Variants in TRABD2B observed in about 807,000 individuals in gnomAD.
The protein encoded by TRABD2B is TraB domain containing 2B.
Under a neutral mutation model 40.1 loss-of-function variants are expected in TRABD2B, and 14 were observed. The ratio of observed to expected loss-of-function variants is 0.35; its 90% CI spans 0.23 to 0.55. The LOEUF (loss-of-function observed/expected upper bound fraction) is 0.55, where lower values mean the gene tolerates loss of function less well. Among genes scored for constraint, TRABD2B ranks in the 20% least tolerant of loss-of-function variants. The pLI is 0.90. For synonymous variants in TRABD2B, 263 were observed against 277.0 expected, an observed-to-expected ratio of 0.95 and a Z score of 0.50; for missense variants, 541 against 648.6, an observed-to-expected ratio of 0.83 and a Z score of 1.80.
Position 47,794,442 on chromosome 1 carries a change from C to T in TRABD2B, c.988+144G>A, listed in dbSNP as rs557295424. ...CCGAATCAGGAGAACTGCCTTGGAT[C>T]TCGGTGCTGCTGCTAAGCACTGTGT... On this transcript the variant is annotated intron_variant, in intron 4 of 6. Coordinates refer to ENST00000606738, the MANE Select transcript of TRABD2B (RefSeq NM_001194986.2). The T allele has an allele frequency of 2.9e-5, 25 of 874,992 alleles. No individual in the cohort carries two copies. In the African/African-American group the frequency reaches 3.0e-4, roughly 10 times the overall value. The allele number at this position is 874,992 out of a possible 1,614,324, so 54.2% of individuals were successfully genotyped here.
chr1:47,799,226 A>G (rs114477008), intron 3 of TRABD2B, among the ~76,000 whole-genome samples: 2,311 of 152,254 alleles, frequency 0.015, 87 homozygotes, highest in Admixed American at 0.089. Context: ...CCTCCTGGCC[A>G]CATCATGGCC....
intron 2 of TRABD2B, among the ~76,000 whole-genome samples, chr1:47,967,542 C>T (rs767474962): frequency 6.6e-6 from 1 of 152,200 alleles, no homozygotes; most frequent in East Asian, 1.9e-4. Flanking sequence ...CTCTCGTTTA[C>T]GTCTGGTTCT....
intron 2 of TRABD2B, 40 bp downstream of exon 2, chr1:47,993,994 C>A (rs1213610161): frequency 9.3e-6 from 14 of 1,505,366 alleles, no homozygotes; most frequent in Non-Finnish European, 1.1e-5. Context: ...ACCCAGGTAC[C>A]CAGGGCTGTC....
At chr1:47,898,135 G>A (rs954129775) in intron 2 of TRABD2B, among the ~76,000 whole-genome samples, 2 of 152,166 alleles carry the variant, frequency 1.3e-5, no homozygotes, top group Non-Finnish European at 2.9e-5. Context: ...GGCATAAAAG[G>A]CATAAAAGCA....
intron 2 of TRABD2B, among the ~76,000 whole-genome samples, chr1:47,888,043 C>G (rs773614708): frequency 7.9e-5 from 12 of 152,334 alleles, no homozygotes; most frequent in East Asian, 5.8e-4. Context: ...TCTTTCCCCC[C>G]ATAATACATC....
At chr1:47,841,343 T>C (rs1263944448) in intron 2 of TRABD2B, among the ~76,000 whole-genome samples, 1 of 152,168 alleles carries the variant, frequency 6.6e-6, no homozygotes. Flanking sequence ...ATACCAGATG[T>C]TGCAGCAACA....
rs577448873 is a variant in TRABD2B, at chr1:47,777,016, C to T, written c.1079+1438G>A. 4.1e-3 allele frequency among the ~76,000 whole-genome samples: 619 copies of T among 152,296 alleles called. 8 individuals are homozygous for T. Among genetic ancestry groups the T allele is most frequent in the African/African-American group, 0.014 (599 of 41,564 alleles). On this transcript the variant is annotated intron_variant, in intron 5 of 6. Transcript: ENST00000606738. ...CCTCCGCCCTGCCAACTCCCTTGCT[C>T]CCCCGTGCAGGAGGCTAAGGCTGAG...
intron 2 of TRABD2B, among the ~76,000 whole-genome samples, chr1:47,928,502 A>C (rs1173801793): frequency 2.0e-5 from 3 of 152,212 alleles, no homozygotes; most frequent in Admixed American, 6.5e-5. Flanking sequence ...TCCACACCCC[A>C]TGATTATTGG....
chr1:47,767,295 C>T (rs1021086188), intron 6 of TRABD2B, among the ~76,000 whole-genome samples: 5 of 152,190 alleles, frequency 3.3e-5, no homozygotes, highest in African/African-American at 1.2e-4. Context: ...AGCCCCGTCA[C>T]CCAGAGGGGA....
intron 2 of TRABD2B, among the ~76,000 whole-genome samples, chr1:47,956,675 C>G (rs949761318): frequency 6.6e-6 from 1 of 152,250 alleles, no homozygotes; most frequent in African/African-American, 2.4e-5. Flanking sequence ...CCCGCCATTG[C>G]TGAGGCTTGA....
At chr1:47,965,236 T>TGGGGGGGGGGGGGGGGGGGGGGGGGGGGG (rs1645585082) in intron 2 of TRABD2B, among the ~76,000 whole-genome samples, 1 of 3,264 alleles carries the variant, frequency 3.1e-4, no homozygotes, top group African/African-American at 1.3e-3. Flanking sequence ...GGGGGGTGGA[T>TGGGGGGGGGGGGGGGGGGGGGGGGGGGGG]GGGGAGGTGG....
In TRABD2B at chr1:47,993,644, A is replaced by T. The variant is rs571623039; in HGVS notation, c.666+390T>A. On this transcript the variant is annotated intron_variant, in intron 2 of 6. Transcript: ENST00000606738. The stretch of plus-strand genomic sequence containing the variant: ...TTACTTTCTTGGGCACTGTCCACAC[A>T]CCAGCCTCAATACAGCCTCCAGGGC... Among the ~76,000 whole-genome samples, 7 of 152,202 alleles carry T rather than the reference A, an allele frequency of 4.6e-5. No homozygotes were observed. The East Asian group carries it at 1.4e-3, about 29-fold the overall frequency.
At chr1:47,970,875 G>A (rs1458767753) in intron 2 of TRABD2B, among the ~76,000 whole-genome samples, 1 of 152,178 alleles carries the variant, frequency 6.6e-6, no homozygotes, top group Non-Finnish European at 1.5e-5. Context: ...AGGCTCTGGT[G>A]GCGCATGTCT....
intron 2 of TRABD2B, among the ~76,000 whole-genome samples, chr1:47,933,210 A>G (rs1645063106): frequency 6.7e-6 from 1 of 149,888 alleles, no homozygotes. Flanking sequence ...AGTTCACGCC[A>G]TTCTCCTGCC....
At chr1:47,911,206 G>T (rs1251519160) in intron 2 of TRABD2B, among the ~76,000 whole-genome samples, 1 of 152,198 alleles carries the variant, frequency 6.6e-6, no homozygotes, top group Non-Finnish European at 1.5e-5. Flanking sequence ...ACAATTAAAT[G>T]AGATAATGCA....
chr1:47,829,161 C>T (rs1645216423), intron 2 of TRABD2B, among the ~76,000 whole-genome samples: 1 of 152,144 alleles, frequency 6.6e-6, no homozygotes, highest in Admixed American at 6.6e-5. Flanking sequence ...CTGGTCTTGG[C>T]TTTTCAAATG....
chr1:47,940,788 A>G (rs11211632), intron 2 of TRABD2B, among the ~76,000 whole-genome samples: 71,118 of 152,124 alleles, frequency 0.47, 18,215 homozygotes, highest in Middle Eastern at 0.62. Flanking sequence ...AATAAGCTTC[A>G]GCCAGAGAGA....
At chr1:47,964,896 G>A (rs1467700704) in intron 2 of TRABD2B, among the ~76,000 whole-genome samples, 1 of 151,898 alleles carries the variant, frequency 6.6e-6, no homozygotes, top group Non-Finnish European at 1.5e-5. Context: ...GAAGGATGCG[G>A]CCCCCACTTC....
chr1:47,938,511 T>C (rs1437632074), intron 2 of TRABD2B, among the ~76,000 whole-genome samples: 2 of 152,192 alleles, frequency 1.3e-5, no homozygotes, highest in Non-Finnish European at 2.9e-5. Context: ...TGTCTTCTTT[T>C]TGGAAGCACT....
Sources: allele counts gnomAD v4.1 joint callset (sites outside exome capture counted in the v4.1 genomes callset), GRCh38; gene constraint gnomAD v4.1.1; transcripts MANE v1.5; gene names NCBI Gene and HGNC (gene_info 2026-07-23, HGNC 2026-07-21).